Variants in VPS50 observed in about 807,000 individuals in gnomAD.
VPS50 encodes the protein VPS50 subunit of EARP/GARPII complex, also known as syndetin.
VPS50 carries 70 observed loss-of-function variants against 139.7 expected under a neutral mutation model. The ratio of observed to expected loss-of-function variants is 0.50; its 90% CI spans 0.41 to 0.61. The LOEUF (loss-of-function observed/expected upper bound fraction) is 0.61. VPS50 is among the 20% of genes least tolerant of loss of function. The pLI, the probability that VPS50 is intolerant of heterozygous loss-of-function variation, is 0.00. For missense variants in VPS50, 921 were observed against 1,133.7 expected (o/e 0.81, Z 2.69); for synonymous variants, 365 against 376.7 (o/e 0.97, Z 0.36).
intron 20 of VPS50, among the ~76,000 whole-genome samples, chr7:93,312,972 C>T (rs901286887): frequency 1.3e-5 from 2 of 152,206 alleles, no homozygotes; most frequent in South Asian, 2.1e-4. Flanking sequence ...TAACAAGCAA[C>T]TGTTGGTGCA....
chr7:93,264,046 C>T (rs1795767095), intron 9 of VPS50, among the ~76,000 whole-genome samples: 1 of 152,106 alleles, frequency 6.6e-6, no homozygotes, highest in Admixed American at 6.5e-5. Context: ...ATATAAAGAA[C>T]TTGAGTATCC....
chr7:93,343,354 T>G (rs2117066268), intron 23 of VPS50, among the ~76,000 whole-genome samples: 1 of 152,260 alleles, frequency 6.6e-6, no homozygotes, highest in South Asian at 2.1e-4. Flanking sequence ...AATCTACGTC[T>G]GATTGGTGTA....
chr7:93,297,297 T>G, intron 16 of VPS50, 54 bp downstream of exon 16: 1 of 1,415,316 alleles, frequency 7.1e-7, no homozygotes, highest in Non-Finnish European at 9.3e-7. Context: ...AGAATACTTT[T>G]GTCTAATACT....
chr7:93,330,596 A>G (rs1386395610), intron 21 of VPS50, among the ~76,000 whole-genome samples: 1 of 151,986 alleles, frequency 6.6e-6, no homozygotes, highest in East Asian at 1.9e-4. Context: ...CCTACTAAAA[A>G]TACAAAAATT....
intron 4 of VPS50, 199 bp from the exon 5 acceptor site, chr7:93,256,310 G>A (rs1406926967): frequency 5.3e-6 from 2 of 375,600 alleles, no homozygotes; most frequent in African/African-American, 2.1e-5. Flanking sequence ...CAGGACCTGT[G>A]CTATGTGCTT....
At chr7:93,268,745 G>A (rs1236662737) in intron 9 of VPS50, among the ~76,000 whole-genome samples, 2 of 152,134 alleles carry the variant, frequency 1.3e-5, no homozygotes, top group African/African-American at 2.4e-5. Flanking sequence ...CATTTGGGTT[G>A]ACTCCATTTC....
At chr7:93,266,762 G>T (rs1331979732) in intron 9 of VPS50, among the ~76,000 whole-genome samples, 1 of 152,092 alleles carries the variant, frequency 6.6e-6, no homozygotes, top group Non-Finnish European at 1.5e-5. Context: ...TGATCAAAAT[G>T]GATTGAATTC....
intron 5 of VPS50, among the ~76,000 whole-genome samples, 200 bp downstream of exon 5, chr7:93,256,762 G>C (rs117726210): frequency 0.018 from 2,661 of 151,956 alleles, 42 homozygotes; most frequent in South Asian, 0.05. Flanking sequence ...AGAAGCGAAG[G>C]GTTTTTATAT....
At chr7:93,248,497 A>G (rs909341426) in intron 2 of VPS50, among the ~76,000 whole-genome samples, 4 of 152,126 alleles carry the variant, frequency 2.6e-5, no homozygotes, top group Non-Finnish European at 5.9e-5. Context: ...TTCCTAAATC[A>G]GTTCACATCG....
chr7:93,308,956 A>AATTGTGTGGTATTTAGCATT lies in VPS50; in HGVS notation c.1748+15_1748+34dup, dbSNP rs1797191048. The AATTGTGTGGTATTTAGCATT allele has an allele frequency of 7.6e-7, 1 of 1,317,806 alleles. No individual in the cohort carries two copies. The highest frequency in any genetic ancestry group is 2.3e-5 in the East Asian group (1 of 43,322). The allele number at this position is 1,317,806 out of a possible 1,614,324, so 81.6% of individuals were successfully genotyped here. A position where few individuals can be genotyped will look rare whatever the true frequency, so the allele number is the denominator to read the frequency against. On this transcript the variant is annotated intron_variant, in intron 19 of 27. Transcript: ENST00000305866. ...TCCTGTGAAAAGGTGATTGTTCTTA[A>AATTGTGTGGTATTTAGCATT]ATTGTGTGGTATTTAGCATTTTATC...
At chr7:93,257,324 A>G in intron 5 of VPS50, 70 bp from the exon 6 acceptor site, 1 of 871,738 alleles carries the variant, frequency 1.1e-6, no homozygotes, top group Non-Finnish European at 1.9e-6. Flanking sequence ...AGTTTTTGTT[A>G]GAGTACTATA....
intron 12 of VPS50, among the ~76,000 whole-genome samples, chr7:93,286,384 C>T (rs1796487402): frequency 6.6e-6 from 1 of 152,136 alleles, no homozygotes; most frequent in African/African-American, 2.4e-5. Context: ...CTCCCCTTCA[C>T]CTGAACTGAG....
intron 25 of VPS50, among the ~76,000 whole-genome samples, chr7:93,352,132 G>A (rs1798579609): frequency 6.6e-6 from 1 of 152,110 alleles, no homozygotes; most frequent in South Asian, 2.1e-4. Context: ...GCAATAAGTA[G>A]AATGTTATTT....
intron 12 of VPS50, among the ~76,000 whole-genome samples, chr7:93,287,921 T>A (rs535524377): frequency 3.8e-4 from 58 of 152,148 alleles, no homozygotes; most frequent in Non-Finnish European, 7.4e-4. Context: ...AGTGTATTAG[T>A]CTGTTCTCAC....
chr7:93,258,730 T>A (rs1310631549), intron 8 of VPS50, among the ~76,000 whole-genome samples: 5 of 152,092 alleles, frequency 3.3e-5, no homozygotes, highest in African/African-American at 1.2e-4. Context: ...ATACTTTAGT[T>A]TTGTTCAGTA....
rs1361879033 is a variant in VPS50, at chr7:93,252,770, C to T, written c.220C>T (p.Leu74=). 15 of 1,581,056 alleles carry T rather than the reference C, an allele frequency of 9.5e-6. No individual in the cohort carries two copies. In the East Asian group the frequency reaches 3.4e-4, roughly 36 times the overall value. The stretch of plus-strand genomic sequence containing the variant: ...TTCATTTGATATTGTTAAATATGAG[C>T]TGGAGGTAAACAGAATTTCATTAAA... The part of the protein sequence containing the change: ...VDSFDIVKYE[L]EKLPPVLNLQ... Residue 74 remains leucine (L), a synonymous_variant, in exon 3 of 28, where the codon CTG becomes TTG. Transcript: ENST00000305866.
chr7:93,353,571 C>A, intron 25 of VPS50, 69 bp from the exon 26 acceptor site: 1 of 1,504,744 alleles, frequency 6.6e-7, no homozygotes, highest in Non-Finnish European at 9.0e-7. Context: ...TTTATTTAAA[C>A]AATTTTTATG....
At chr7:93,322,736 T>C (rs1007713898) in intron 20 of VPS50, among the ~76,000 whole-genome samples, 3 of 151,842 alleles carry the variant, frequency 2.0e-5, no homozygotes, top group African/African-American at 7.3e-5. Context: ...TAGAAGAAAG[T>C]ATAGAGCATT....
intron 25 of VPS50, 63 bp from the exon 26 acceptor site, chr7:93,353,577 T>G: frequency 6.5e-7 from 1 of 1,535,450 alleles, no homozygotes. Flanking sequence ...TAAACAATTT[T>G]TATGGGAAAG....
Sources: allele counts gnomAD v4.1 joint callset (sites outside exome capture counted in the v4.1 genomes callset), GRCh38; gene constraint gnomAD v4.1.1; transcripts MANE v1.5; gene names NCBI Gene and HGNC (gene_info 2026-07-23, HGNC 2026-07-21).